The following KRIT1 variants were observed in gnomAD, a reference collection of about 807,000 sequenced individuals.
KRIT1 encodes KRIT1 ankyrin repeat containing.
A neutral mutation model predicts 95.8 loss-of-function variants in KRIT1; 45 were observed. That is an observed-to-expected ratio of 0.47 (90% CI 0.37 to 0.60). The LOEUF is 0.60. Among genes scored for constraint, KRIT1 ranks in the 20% least tolerant of loss-of-function variants. KRIT1 has a pLI of 0.00. For synonymous variants in KRIT1, 282 were observed against 278.8 expected (o/e 1.01, Z -0.11); for missense variants, 788 against 877.5 (o/e 0.90, Z 1.29).
intron 10 of KRIT1, among the ~76,000 whole-genome samples, chr7:92,228,782 C>A (rs1584930439): frequency 6.6e-6 from 1 of 152,046 alleles, no homozygotes; most frequent in East Asian, 1.9e-4. Flanking sequence ...TTGCTGTTCC[C>A]TTTTTTGTGC....
chr7:92,241,981 T>C, intron 4 of KRIT1, 53 bp downstream of exon 4: 2 of 951,210 alleles, frequency 2.1e-6, no homozygotes, highest in African/African-American at 3.2e-5. Flanking sequence ...ATGTGAATGA[T>C]AATACAGAAT....
At chr7:92,232,647 A>G (rs796558019) in intron 10 of KRIT1, among the ~76,000 whole-genome samples, 2 of 152,094 alleles carry the variant, frequency 1.3e-5, no homozygotes, top group African/African-American at 4.8e-5. Flanking sequence ...AATCTGAACT[A>G]TATTCTCTAC....
intron 5 of KRIT1, 129 bp downstream of exon 5, chr7:92,240,864 G>T: frequency 1.3e-6 from 1 of 794,606 alleles, no homozygotes; most frequent in Non-Finnish European, 2.1e-6. Flanking sequence ...AAACACTTGA[G>T]TTTTTTTGCA....
chr7:92,202,110 C>T (rs530703417), intron 17 of KRIT1: 1 of 152,156 alleles, frequency 6.6e-6, no homozygotes, highest in Non-Finnish European at 1.5e-5. Context: ...GTAGTTTATG[C>T]AACTGGGTTA....
In KRIT1 at chr7:92,214,687, T is replaced by C. The variant is rs1793592123; in HGVS notation, c.1654A>G (p.Ile552Val). The C allele has an allele frequency of 1.2e-6, 2 of 1,611,258 alleles. No homozygotes were observed. Among genetic ancestry groups the C allele is most frequent in the Non-Finnish European group, 1.7e-6 (2 of 1,177,476 alleles). ...TGCAAAAGCAGACTTGCCAATGTTA[T>C]CAGCTTAGCATCAGGAGCTGTATAA... ...GFYTAPDAKL[I>V]TLASLLLQIV... The change falls in exon 15 of 19, where the codon ATA (isoleucine) becomes GTA (valine). Residue 552 changes from isoleucine (I) to valine (V), a missense_variant. Around this residue, in one of 3 missense-constraint regions of KRIT1, gnomAD observed 493 missense variants for 582.3 expected, o/e 0.85. Transcript: ENST00000394505.
chr7:92,222,112 T>C lies in KRIT1; in HGVS notation c.1412-59A>G, dbSNP rs190803990. The C allele has an allele frequency of 9.2e-5, 121 of 1,310,622 alleles. No individual in the cohort carries two copies. The African/African-American group carries it at 1.4e-3, about 15-fold the overall frequency. 81.2% of individuals were successfully genotyped at this position (1,310,622 alleles called of 1,614,324 possible). On this transcript the variant is annotated intron_variant, in intron 13 of 18. Transcript: ENST00000394505. ...GTAAAAAGTCAATTATATCAATGCA[T>C]AGAAACTTTGTATTAAACTGTCTGC...
At chr7:92,237,826 G>A in intron 5 of KRIT1, 67 bp from the exon 6 acceptor site, 1 of 836,826 alleles carries the variant, frequency 1.2e-6, no homozygotes, top group South Asian at 1.4e-5. Context: ...ATTACCTTGA[G>A]AATTAGAAAA....
chr7:92,225,107 C>CGCGCCATTGTATTCCA (rs1795954615), intron 12 of KRIT1, among the ~76,000 whole-genome samples: 1 of 151,828 alleles, frequency 6.6e-6, no homozygotes, highest in Admixed American at 6.6e-5. Flanking sequence ...GAGCTGAGAT[C>CGCGCCATTGTATTCCA]GCGCCATTGT....
At chr7:92,216,318 T>G (rs181696262) in intron 14 of KRIT1, among the ~76,000 whole-genome samples, 1 of 149,590 alleles carries the variant, frequency 6.7e-6, no homozygotes, top group African/African-American at 2.4e-5. Flanking sequence ...ATATTAATAA[T>G]ACTCTATTTA....
intron 12 of KRIT1, 129 bp from the exon 13 acceptor site, chr7:92,223,107 T>G: frequency 1.4e-6 from 1 of 698,308 alleles, no homozygotes; most frequent in East Asian, 2.7e-5. Flanking sequence ...AACACTGTTT[T>G]AAGTGAGAAT....
chr7:92,215,554 C>T (rs1200535328), intron 14 of KRIT1, among the ~76,000 whole-genome samples: 1 of 152,118 alleles, frequency 6.6e-6, no homozygotes, highest in African/African-American at 2.4e-5. Context: ...ACTGCAGCCT[C>T]GACCTCGTGG....
At chr7:92,244,833 C>T (rs963415932) in intron 2 of KRIT1, 69 bp downstream of exon 2, 1 of 152,138 alleles carries the variant, frequency 6.6e-6, no homozygotes, top group African/African-American at 2.4e-5. Flanking sequence ...TGATAATATG[C>T]TCCCTAAGTA....
At chr7:92,204,336 G>T (rs189428262) in intron 17 of KRIT1, among the ~76,000 whole-genome samples, 4 of 152,048 alleles carry the variant, frequency 2.6e-5, no homozygotes, top group African/African-American at 9.6e-5. Context: ...CAAGAGAGCA[G>T]TGCCCAACCT....
Position 92,222,908 on chromosome 7 carries a change from G to A in KRIT1, c.1325C>T (p.Thr442Ile), listed in dbSNP as rs1441557672. ...RSVELKHGNN[T>I]TVQQIMEGMR... ...TCCTTCCATTATCTGCTGCACTGTG[G>A]TATTATTTCCATGCTTCAATTCAAC... is the stretch of plus-strand genomic sequence containing the variant. Residue 442 changes from threonine to isoleucine, a missense_variant, in exon 13 of 19, where the codon ACC becomes ATC. Physicochemically the swap from Thr to Ile is moderately conservative, Grantham distance 89. Around this residue, in one of 3 missense-constraint regions of KRIT1, gnomAD observed 493 missense variants for 582.3 expected, o/e 0.85. Transcript: ENST00000394505. 6.2e-7 allele frequency: 1 copy of A among 1,602,726 alleles called. No individual in the cohort carries two copies. Among genetic ancestry groups the A allele is most frequent in the East Asian group, 2.2e-5 (1 of 44,794 alleles).
chr7:92,243,810 T>C (rs1800233809), intron 3 of KRIT1, among the ~76,000 whole-genome samples, 192 bp downstream of exon 3: 1 of 152,128 alleles, frequency 6.6e-6, no homozygotes, highest in Non-Finnish European at 1.5e-5. Flanking sequence ...TTTTAAATTC[T>C]AAAACTTTCC....
At chr7:92,242,576 CT>C (rs1799922638) in intron 3 of KRIT1, among the ~76,000 whole-genome samples, 1 of 152,078 alleles carries the variant, frequency 6.6e-6, no homozygotes, top group Admixed American at 6.6e-5. Flanking sequence ...GTTAGTTATA[CT>C]GTTAACAGTT....
rs777288551 is a variant in KRIT1, at chr7:92,235,443, T to C, written c.689A>G (p.Tyr230Cys). The C allele has an allele frequency of 6.2e-7, 1 of 1,613,808 alleles. No individual in the cohort carries two copies. Among genetic ancestry groups the C allele is most frequent in the East Asian group, 2.2e-5 (1 of 44,844 alleles). The change falls in exon 8 of 19, where the codon TAC becomes TGC. Residue 230 changes from tyrosine (Y) to cysteine (C), a missense_variant. Transcript: ENST00000394505. ...LALEKADTCI[Y>C]NPLFGSDLQY... is the part of the protein sequence containing the mutation. ...AAGATCTGATCCAAACAAAGGGTTG[T>C]AAATACAGGTATCTGCTTTCTCTAG...
rs569091126 is a variant in KRIT1, at chr7:92,233,783, A to G, written c.989+666T>C. The stretch of plus-strand genomic sequence containing the variant: ...ACTTTCCCACAGAAATAATGTAAAA[A>G]ACTTTATTATATCCTTTCTAGAAGA... On this transcript the variant is annotated intron_variant, in intron 10 of 18. Coordinates refer to ENST00000394505, the MANE Select transcript of KRIT1 (RefSeq NM_194454.3). Among the ~76,000 whole-genome samples the G allele has an allele frequency of 2.6e-5, 4 of 152,302 alleles. No homozygotes were observed. The East Asian group carries it at 5.8e-4, about 22-fold the overall frequency.
chr7:92,220,688 CTT>C (rs960417752), intron 14 of KRIT1, among the ~76,000 whole-genome samples: 7 of 98,956 alleles, frequency 7.1e-5, no homozygotes, highest in African/African-American at 2.1e-4. Flanking sequence ...ATTCATCCTT[CTT>C]TTTTTTTTTT....
Sources: gnomAD v4.1 joint callset for allele counts (sites outside exome capture counted in the v4.1 genomes callset) on GRCh38, gnomAD v4.1.1 for gene constraint, gnomAD v4.1.1 regional missense constraint, MANE v1.5 for transcripts, NCBI Gene and HGNC (gene_info 2026-07-23, HGNC 2026-07-21) for gene names.